CARMIL1: variants seen among roughly 807,000 people sequenced by gnomAD.
CARMIL1 encodes the protein F-actin-uncapping protein LRRC16A.
CARMIL1 carries 90 observed loss-of-function variants against 177.1 expected under a neutral mutation model. That is an observed-to-expected ratio of 0.51 (90% confidence interval 0.43 to 0.61). The LOEUF (loss-of-function observed/expected upper bound fraction) is 0.61. Ranked by LOEUF, CARMIL1 falls within the 20% of genes least tolerant of loss-of-function variation. The probability of loss-of-function intolerance (pLI) is 0.00; values close to 1 mark genes in which losing one functional copy is unlikely to be tolerated. For missense variants in CARMIL1, 1,380 were observed against 1,667.0 expected (o/e 0.83, Z 3.00); for synonymous variants, 577 against 606.2 (o/e 0.95, Z 0.71).
At chr6:25,556,894 C>A in intron 29 of CARMIL1, 44 bp downstream of exon 29, 1 of 1,527,390 alleles carries the variant, frequency 6.5e-7, no homozygotes, top group Non-Finnish European at 8.9e-7. Flanking sequence ...TTTCACTGGA[C>A]TGTGCCATTG....
intron 2 of CARMIL1, among the ~76,000 whole-genome samples, chr6:25,287,194 G>A (rs1341738216): frequency 4.6e-5 from 7 of 152,194 alleles, no homozygotes; most frequent in South Asian, 2.1e-4. Flanking sequence ...TACTAAAATG[G>A]TTCATAAATG....
intron 2 of CARMIL1, among the ~76,000 whole-genome samples, chr6:25,312,922 A>C (rs374231997): frequency 7.4e-6 from 1 of 135,910 alleles, no homozygotes; most frequent in Admixed American, 7.2e-5. Flanking sequence ...AAAAAAAAAA[A>C]AAAAAAAAAC....
intron 2 of CARMIL1, among the ~76,000 whole-genome samples, chr6:25,328,873 C>T (rs1477299137): frequency 6.6e-6 from 1 of 152,140 alleles, no homozygotes; most frequent in Non-Finnish European, 1.5e-5. Context: ...GTGAGCTAGA[C>T]AAAACTTCAT....
At chr6:25,370,723 G>T (rs897953966) in intron 2 of CARMIL1, among the ~76,000 whole-genome samples, 2 of 152,098 alleles carry the variant, frequency 1.3e-5, no homozygotes, top group Admixed American at 1.3e-4. Context: ...GTTGAACCAG[G>T]AGTTTCATTC....
chr6:25,425,621 C>G (rs1796218153), intron 3 of CARMIL1, among the ~76,000 whole-genome samples: 1 of 151,938 alleles, frequency 6.6e-6, no homozygotes, highest in East Asian at 1.9e-4. Context: ...TGGGGAAAAT[C>G]CGGGAAGAAA....
chr6:25,299,631 C>T (rs1041185900), intron 2 of CARMIL1, among the ~76,000 whole-genome samples: 5 of 152,048 alleles, frequency 3.3e-5, no homozygotes, highest in African/African-American at 7.2e-5. Context: ...GGCCCCTCCC[C>T]ACTAGATCCT....
At chr6:25,431,415 T>C (rs928901393) in intron 4 of CARMIL1, among the ~76,000 whole-genome samples, 2 of 152,210 alleles carry the variant, frequency 1.3e-5, no homozygotes, top group African/African-American at 4.8e-5. Context: ...TTTTATTTTA[T>C]GTGTTTATCA....
intron 5 of CARMIL1, among the ~76,000 whole-genome samples, chr6:25,439,254 A>G (rs915554743): frequency 6.6e-6 from 1 of 152,196 alleles, no homozygotes; most frequent in Non-Finnish European, 1.5e-5. Flanking sequence ...TAGGACCTAC[A>G]AGACCTCCAT....
chr6:25,486,992 G>A (rs1033239693), intron 12 of CARMIL1, among the ~76,000 whole-genome samples: 1 of 151,980 alleles, frequency 6.6e-6, no homozygotes, highest in South Asian at 2.1e-4. Context: ...CCAGCATTTT[G>A]TTAGCATTCA....
At position 25,520,340 on chromosome 6, in the gene CARMIL1, ATTAAAG is replaced by A; in HGVS notation, c.1968+4_1968+9del. 1 of 1,500,198 alleles carries A rather than the reference ATTAAAG, an allele frequency of 6.7e-7. No homozygotes were observed. The highest frequency in any genetic ancestry group is 1.4e-5 in the African/African-American group (1 of 71,950). 92.9% of individuals were successfully genotyped at this position (1,500,198 alleles called of 1,614,324 possible). On this transcript the variant is annotated splice_donor_5th_base_variant and intron_variant, in intron 23 of 36. Coordinates refer to ENST00000329474, the MANE Select transcript of CARMIL1 (RefSeq NM_017640.6). ...AAACAGAAGACGCTCTGCAAAAGGT[ATTAAAG>A]AATCAGTAGCTTAATTACAAGAAAT...
At chr6:25,407,122 G>A (rs1754671944) in intron 2 of CARMIL1, among the ~76,000 whole-genome samples, 1 of 152,090 alleles carries the variant, frequency 6.6e-6, no homozygotes, top group Non-Finnish European at 1.5e-5. Context: ...AAATTTAAGT[G>A]GAGTTGTGGG....
At chr6:25,318,344 G>A (rs1452546708) in intron 2 of CARMIL1, among the ~76,000 whole-genome samples, 2 of 152,174 alleles carry the variant, frequency 1.3e-5, no homozygotes, top group Non-Finnish European at 2.9e-5. Flanking sequence ...CAACGGGTGA[G>A]GTGCAGAGAG....
At chr6:25,532,538 G>A (rs1175282477) in intron 24 of CARMIL1, among the ~76,000 whole-genome samples, 1 of 152,166 alleles carries the variant, frequency 6.6e-6, no homozygotes, top group African/African-American at 2.4e-5. Context: ...CTTGAAGATT[G>A]CAGAAACCTG....
intron 20 of CARMIL1, among the ~76,000 whole-genome samples, chr6:25,512,929 T>C (rs994497858): frequency 2.0e-5 from 3 of 152,130 alleles, no homozygotes; most frequent in Non-Finnish European, 2.9e-5. Flanking sequence ...TGTTCAGCTA[T>C]GAAAAAGAAA....
chr6:25,532,633 C>A (rs1807884850), intron 24 of CARMIL1, among the ~76,000 whole-genome samples: 2 of 152,114 alleles, frequency 1.3e-5, no homozygotes, highest in Non-Finnish European at 2.9e-5. Context: ...CAGGTGACAC[C>A]AAAGGCATTA....
rs547446673 is a variant in CARMIL1 at position 25,280,153 on chromosome 6, G to A, written c.40+318G>A. 7.3e-4 allele frequency among the ~76,000 whole-genome samples: 111 copies of A among 152,318 alleles called. 1 individual carries two copies. In the South Asian group the frequency reaches 7.9e-3, roughly 11 times the overall value. On this transcript the variant is annotated intron_variant, in intron 1 of 36. Coordinates refer to ENST00000329474, the MANE Select transcript of CARMIL1 (RefSeq NM_017640.6). ...ATCCAGGTTGGCGAAAGAAGGGGGC[G>A]GGCCATCTTAGACTTGGGAGTTCTG...
intron 25 of CARMIL1, among the ~76,000 whole-genome samples, chr6:25,538,831 A>AT (rs1239531801): frequency 6.6e-6 from 1 of 151,962 alleles, no homozygotes; most frequent in African/African-American, 2.4e-5. Flanking sequence ...CTGTCAGCCC[A>AT]CCCCCTGGAC....
intron 36 of CARMIL1, among the ~76,000 whole-genome samples, chr6:25,618,948 A>G (rs1412768345): frequency 1.3e-5 from 2 of 152,184 alleles, no homozygotes; most frequent in African/African-American, 2.4e-5. Context: ...GCCTTTGCTG[A>G]TATCCTGTCC....
intron 8 of CARMIL1, chr6:25,465,534 A>T: frequency 5.3e-6 from 1 of 189,688 alleles, no homozygotes; most frequent in Non-Finnish European, 1.1e-5. Flanking sequence ...AAAAAAAAAG[A>T]TTTTATGAAG....
Sources: gnomAD v4.1 joint callset for allele counts (sites outside exome capture counted in the v4.1 genomes callset) on GRCh38, gnomAD v4.1.1 for gene constraint, MANE v1.5 for transcripts, NCBI Gene and HGNC (gene_info 2026-07-23, HGNC 2026-07-21) for gene names.